SNTG1: variants seen among roughly 807,000 people sequenced by gnomAD.
SNTG1 encodes syntrophin gamma 1.
In SNTG1, 39 loss-of-function variants were observed where a neutral mutation model predicts 74.7. The ratio of observed to expected loss-of-function variants is 0.52; its 90% CI spans 0.40 to 0.68. SNTG1 has a LOEUF of 0.68. SNTG1 is among the 30% of genes least tolerant of loss of function. SNTG1 has a pLI of 0.00. For synonymous variants in SNTG1, 254 were observed against 217.1 expected, an observed-to-expected ratio of 1.17 and a Z score of -1.49; for missense variants, 685 against 609.5, an observed-to-expected ratio of 1.12 and a Z score of -1.30.
intron 1 of SNTG1, among the ~76,000 whole-genome samples, chr8:49,969,361 C>G (rs73569361): frequency 0.023 from 3,314 of 144,672 alleles, 128 homozygotes; most frequent in African/African-American, 0.079. Context: ...TTCTCAAAAG[C>G]AAATACACAT....
chr8:50,749,652 C>CCT (rs1168234385), intron 17 of SNTG1, among the ~76,000 whole-genome samples: 1 of 151,988 alleles, frequency 6.6e-6, no homozygotes, highest in Non-Finnish European at 1.5e-5. Flanking sequence ...CCATTCTAAA[C>CCT]ATCCTAGGAC....
chr8:50,701,462 G>A (rs1346316865), intron 15 of SNTG1, among the ~76,000 whole-genome samples: 3 of 152,144 alleles, frequency 2.0e-5, no homozygotes, highest in African/African-American at 7.2e-5. Context: ...TCTCTGGAAA[G>A]AACACCCTTT....
At chr8:50,258,352 T>C (rs569661794) in intron 2 of SNTG1, among the ~76,000 whole-genome samples, 2 of 152,302 alleles carry the variant, frequency 1.3e-5, no homozygotes, top group South Asian at 4.1e-4. Context: ...AATATATTTT[T>C]GATGAAACAT....
intron 1 of SNTG1, among the ~76,000 whole-genome samples, chr8:50,134,458 A>G (rs1483516974): frequency 6.6e-6 from 1 of 152,204 alleles, no homozygotes; most frequent in Non-Finnish European, 1.5e-5. Context: ...GCTGTTAGGC[A>G]AGGGAAGCAC....
chr8:50,199,820 G>T (rs563505341), intron 2 of SNTG1, among the ~76,000 whole-genome samples: 2 of 152,244 alleles, frequency 1.3e-5, no homozygotes, highest in Middle Eastern at 3.4e-3. Flanking sequence ...CTTCTTGCAC[G>T]TGGTTTCAGT....
intron 9 of SNTG1, among the ~76,000 whole-genome samples, chr8:50,511,372 T>C (rs1009118644): frequency 2.0e-5 from 3 of 152,114 alleles, no homozygotes; most frequent in Admixed American, 6.6e-5. Context: ...TGGTGTAGTG[T>C]TGAAAAGAAT....
intron 8 of SNTG1, among the ~76,000 whole-genome samples, chr8:50,485,497 A>G (rs915701030): frequency 1.3e-5 from 2 of 151,476 alleles, no homozygotes; most frequent in African/African-American, 2.4e-5. Context: ...CATGTCCTTC[A>G]CCCACTTTTT....
intron 15 of SNTG1, among the ~76,000 whole-genome samples, chr8:50,701,349 T>C (rs997752115): frequency 1.3e-5 from 2 of 152,184 alleles, no homozygotes; most frequent in Non-Finnish European, 2.9e-5. Context: ...TATAACCAGA[T>C]CAATCATCCC....
chr8:50,239,385 A>G (rs149005262), intron 2 of SNTG1, among the ~76,000 whole-genome samples: 44 of 152,312 alleles, frequency 2.9e-4, no homozygotes, highest in African/African-American at 9.9e-4. Flanking sequence ...GAAACTTACA[A>G]TCATGGTGGA....
At chr8:49,962,500 G>T (rs1222923506) in intron 1 of SNTG1, among the ~76,000 whole-genome samples, 1 of 151,970 alleles carries the variant, frequency 6.6e-6, no homozygotes, top group African/African-American at 2.4e-5. Context: ...GCCGGGTCTT[G>T]TTCCAACTCT....
chr8:50,429,215 G>A (rs548583935), intron 4 of SNTG1, among the ~76,000 whole-genome samples: 1 of 152,114 alleles, frequency 6.6e-6, no homozygotes, highest in African/African-American at 2.4e-5. Context: ...AAAAGAGTTT[G>A]AGGGTTCATA....
chr8:50,293,395 G>A, intron 2 of SNTG1, among the ~76,000 whole-genome samples: 1 of 139,928 alleles, frequency 7.1e-6, no homozygotes, highest in Non-Finnish European at 1.5e-5. Flanking sequence ...GCCCACCTTA[G>A]TAGGCTTCTT....
intron 12 of SNTG1, among the ~76,000 whole-genome samples, chr8:50,580,168 G>A (rs751827454): frequency 6.6e-6 from 1 of 152,222 alleles, no homozygotes; most frequent in Non-Finnish European, 1.5e-5. Flanking sequence ...TTTAACAACT[G>A]CCCTATTGGA....
chr8:50,169,110 T>C (rs2082723567), intron 1 of SNTG1, among the ~76,000 whole-genome samples: 1 of 152,210 alleles, frequency 6.6e-6, no homozygotes, highest in Admixed American at 6.5e-5. Flanking sequence ...CTGTAACTTT[T>C]CCATCTTTGT....
intron 1 of SNTG1, among the ~76,000 whole-genome samples, chr8:50,167,629 G>T (rs1250715820): frequency 1.4e-5 from 2 of 148,074 alleles, no homozygotes; most frequent in Non-Finnish European, 3.0e-5. Context: ...AAACCTCATC[G>T]CTACGAAAAA....
intron 15 of SNTG1, among the ~76,000 whole-genome samples, chr8:50,695,158 G>A (rs1359689306): frequency 6.6e-6 from 1 of 151,494 alleles, no homozygotes; most frequent in African/African-American, 2.4e-5. Context: ...CCTGTTTGCA[G>A]GTGATATGAT....
chr8:50,305,731 C>T (rs2130708794), intron 2 of SNTG1, among the ~76,000 whole-genome samples: 1 of 151,420 alleles, frequency 6.6e-6, no homozygotes, highest in East Asian at 1.9e-4. Context: ...AACATATAAA[C>T]CAAAAATTAC....
At chr8:50,598,863 A>G (rs2094751556) in intron 13 of SNTG1, among the ~76,000 whole-genome samples, 1 of 151,820 alleles carries the variant, frequency 6.6e-6, no homozygotes, top group Non-Finnish European at 1.5e-5. Context: ...TAATTTTTTT[A>G]TGATAGGTTG....
chr8:50,734,426 C>T (rs1171025136), intron 17 of SNTG1, among the ~76,000 whole-genome samples: 2 of 151,218 alleles, frequency 1.3e-5, no homozygotes, highest in African/African-American at 2.4e-5. Context: ...AAATGAAATT[C>T]TATATTAATT....
Sources: gnomAD v4.1 joint callset for allele counts (sites outside exome capture counted in the v4.1 genomes callset) on GRCh38, gnomAD v4.1.1 for gene constraint, MANE v1.5 for transcripts, NCBI Gene and HGNC (gene_info 2026-07-23, HGNC 2026-07-21) for gene names.